The following MRPL20 variants were observed in gnomAD, a reference collection of about 807,000 sequenced individuals.
MRPL20 encodes large ribosomal subunit protein bL20m.
In MRPL20, 21 loss-of-function variants were observed where a neutral mutation model predicts 20.0. That is an observed-to-expected ratio of 1.05 (90% CI 0.74 to 1.51). The LOEUF (loss-of-function observed/expected upper bound fraction) is 1.51. MRPL20 is among the 40% of genes most tolerant of loss of function. The pLI is 0.00. For synonymous variants in MRPL20, 104 were observed against 73.0 expected (o/e 1.43, Z -2.17); for missense variants, 252 against 185.6 (o/e 1.36, Z -2.08).
intron 2 of MRPL20, 195 bp from the exon 3 acceptor site, chr1:1,406,081 C>T: frequency 1.5e-6 from 1 of 673,886 alleles, no homozygotes; most frequent in Non-Finnish European, 2.4e-6. Flanking sequence ...CCCAGCTGGG[C>T]ACGGTGTCTC....
chr1:1,405,332 G>T, intron 3 of MRPL20: 1 of 399,700 alleles, frequency 2.5e-6, no homozygotes, highest in East Asian at 4.8e-5. Context: ...AGAGTGCAGT[G>T]GTACCATCAT....
intron 3 of MRPL20, 42 bp downstream of exon 3, chr1:1,405,767 A>G (rs1645377630): frequency 6.2e-7 from 1 of 1,614,002 alleles, no homozygotes; most frequent in African/African-American, 1.3e-5. Flanking sequence ...TGGTTTCTGC[A>G]GATGTCCAGA....
intron 3 of MRPL20, 88 bp downstream of exon 3, chr1:1,405,721 C>A (rs1443484609): frequency 6.2e-7 from 1 of 1,610,252 alleles, no homozygotes; most frequent in East Asian, 2.2e-5. Flanking sequence ...TCCTGATTAG[C>A]TGGGACTACA....
chr1:1,404,298 T>TGC (rs1297672421), intron 3 of MRPL20, among the ~76,000 whole-genome samples: 6 of 151,192 alleles, frequency 4.0e-5, no homozygotes, highest in African/African-American at 2.4e-5. Context: ...GGACTACAGA[T>TGC]GCCCGCCACC....
intron 3 of MRPL20, among the ~76,000 whole-genome samples, chr1:1,403,546 A>C (rs909680123): frequency 4.6e-5 from 7 of 152,134 alleles, no homozygotes; most frequent in East Asian, 3.9e-4. Flanking sequence ...CCGGCCAAGT[A>C]TGTCTCCTTT....
intron 2 of MRPL20, 118 bp from the exon 3 acceptor site, chr1:1,406,004 A>C: frequency 1.4e-6 from 2 of 1,401,272 alleles, no homozygotes; most frequent in South Asian, 1.4e-5. Flanking sequence ...TCAGTGAGCT[A>C]TGATGGTGCC....
At chr1:1,404,855 A>C (rs1284821689) in intron 3 of MRPL20, among the ~76,000 whole-genome samples, 2 of 152,106 alleles carry the variant, frequency 1.3e-5, no homozygotes, top group African/African-American at 4.8e-5. Context: ...CTCTGCTGCC[A>C]ACCAGTGCGG....
In MRPL20 at chr1:1,405,873, C is replaced by A. The variant is rs145728085; in HGVS notation, c.212G>T (p.Arg71Leu). Residue 71 changes from arginine (R) to leucine (L), a missense_variant, in exon 3 of 4, where the codon CGA (arginine) becomes CTA (leucine). Coordinates refer to ENST00000344843, the MANE Select transcript of MRPL20 (RefSeq NM_017971.4). ...KKNMRTLWINRITAASQEHGL... is the reference protein window; with the variant it reads ...KKNMRTLWINLITAASQEHGL... ...ATGTTCCTGGCTAGCAGCTGTAATT[C>A]GATTAATCCAGAGCTGAAATAAGAA... The A allele has an allele frequency of 6.2e-7, 1 of 1,613,024 alleles. No individual in the cohort carries two copies. The highest frequency in any genetic ancestry group is 8.5e-7 in the Non-Finnish European group (1 of 1,179,160).
chr1:1,405,716 A>G, intron 3 of MRPL20, 93 bp downstream of exon 3: 1 of 1,605,156 alleles, frequency 6.2e-7, no homozygotes, highest in Non-Finnish European at 8.5e-7. Flanking sequence ...CAGCCTCCTG[A>G]TTAGCTGGGA....
At chr1:1,406,790 C>T (rs1016921799) in intron 2 of MRPL20, 119 bp downstream of exon 2, 7 of 851,222 alleles carry the variant, frequency 8.2e-6, no homozygotes, top group African/African-American at 5.1e-5. Flanking sequence ...AGTTTCGAAG[C>T]AAGGTATGAA....
rs765308764 is a variant in MRPL20, at chr1:1,405,762, T to G, written c.276+47A>C. On this transcript the variant is annotated intron_variant, in intron 3 of 3. Transcript: ENST00000344843. ...CACCACCACGCCCCGCATGATGGTT[T>G]CTGCAGATGTCCAGAATTTCAGTGG... The G allele has an allele frequency of 2.5e-6, 4 of 1,614,150 alleles. No individual in the cohort carries two copies. The South Asian group carries it at 4.4e-5, about 18-fold the overall frequency.
rs751003271 is a variant in MRPL20 at position 1,402,153 on chromosome 1, C to G, written c.380G>C (p.Gly127Ala). ...CCCATCCCCCAAGGCAGCAGCAAAT[C>G]CTTCGTGTCGCCTCCTACTGGCCAA... ...AALASRRRHE[G>A]FAAALGDGKE... is the part of the protein sequence containing the mutation. Residue 127 changes from glycine to alanine, a missense_variant, in exon 4 of 4, where the codon GGA (glycine) becomes GCA (alanine). Gly to Ala is a moderately conservative substitution (Grantham distance 60). Transcript: ENST00000344843. 58 of 1,614,028 alleles carry G rather than the reference C, an allele frequency of 3.6e-5. No individual in the cohort carries two copies. The highest frequency in any genetic ancestry group is 4.9e-5 in the Non-Finnish European group (58 of 1,180,032).
At position 1,407,169 on chromosome 1, in the gene MRPL20, G is replaced by C; in HGVS notation, c.49C>G (p.Arg17Gly). ...QLWLRNRVTDRYFRIQEVLKH... is the reference protein window; with the variant it reads ...QLWLRNRVTDGYFRIQEVLKH... ...AGCACCTCCTGGATCCGAAAGTAGC[G>C]GTCGGTGACGCGATTCCGCAGCCAG... The change falls in exon 1 of 4, where the codon CGC becomes GGC. Residue 17 changes from arginine to glycine, a missense_variant. By Grantham distance (125) the Arg-to-Gly change is moderately radical. Coordinates refer to ENST00000344843, the MANE Select transcript of MRPL20 (RefSeq NM_017971.4). 6.2e-7 allele frequency: 1 copy of C among 1,607,880 alleles called. No homozygotes were observed. Among genetic ancestry groups the C allele is most frequent in the Non-Finnish European group, 8.5e-7 (1 of 1,177,396 alleles).
rs759872665 is a variant in MRPL20, at chr1:1,407,224, T to G, written c.-7A>C. 2 of 1,592,098 alleles carry G rather than the reference T, an allele frequency of 1.3e-6. No homozygotes were observed. Among genetic ancestry groups the G allele is most frequent in the Non-Finnish European group, 1.7e-6 (2 of 1,169,622 alleles). ...GCGCGGTGAGGAAGACCATGGCGCCTGCAGGCCGGCGTCCCGAACACTCAA... is the reference window on the plus strand; with the variant it reads ...GCGCGGTGAGGAAGACCATGGCGCCGGCAGGCCGGCGTCCCGAACACTCAA... On this transcript the variant is annotated 5_prime_UTR_variant, in exon 1 of 4. Transcript: ENST00000344843.
intron 3 of MRPL20, chr1:1,405,008 G>C (rs1025191249): frequency 6.6e-6 from 1 of 152,268 alleles, no homozygotes; most frequent in East Asian, 2.0e-4. Context: ...TTTACTTTTA[G>C]AGATGGAGTC....
At position 1,406,758 on chromosome 1, in the gene MRPL20, G is replaced by A. The variant is rs547872883; in HGVS notation, c.198+151C>T. 3.4e-4 allele frequency: 240 copies of A among 708,376 alleles called. 2 individuals carry two copies. The South Asian group carries it at 3.4e-3, about 10-fold the overall frequency. The allele number at this position is 708,376 out of a possible 1,614,324, so 43.9% of individuals were successfully genotyped here. A position where few individuals can be genotyped will look rare whatever the true frequency, so the allele number is the denominator to read the frequency against. On this transcript the variant is annotated intron_variant, in intron 2 of 3. Transcript: ENST00000344843. ...AGAACGGATGTCCCACAGTTTGCCT[G>A]CGGGGCGACATAATTTGTCGGAGTT...
Position 1,407,060 on chromosome 1 carries a change from C to CCG in MRPL20, c.88-42_88-41insCG, listed in dbSNP as rs769721348. 21 of 1,609,832 alleles carry CCG rather than the reference C, an allele frequency of 1.3e-5. No homozygotes were observed. The East Asian group carries it at 1.3e-4, about 10-fold the overall frequency. ...AGAAACCAGGGTTGTCAGCGGGGCC[C>CCG]GCGCCGGCCGCCCCTTGGCCCGCGG... On this transcript the variant is annotated intron_variant, in intron 1 of 3. Coordinates refer to ENST00000344843, the MANE Select transcript of MRPL20 (RefSeq NM_017971.4).
Position 1,405,840 on chromosome 1 carries a change from T to C in MRPL20, c.245A>G (p.Lys82Arg). The change falls in exon 3 of 4, where the codon AAG becomes AGG. Residue 82 changes from lysine (K) to arginine (R), a missense_variant. Transcript: ENST00000344843. ...TAAATTCCCAATGAGCGCTGGATAC[T>C]TCAGTCCATGTTCCTGGCTAGCAGC... ...ITAASQEHGLKYPALIGNLVK... is the reference protein window; with the variant it reads ...ITAASQEHGLRYPALIGNLVK... The C allele has an allele frequency of 6.2e-7, 1 of 1,614,124 alleles. No individual in the cohort carries two copies. Among genetic ancestry groups the C allele is most frequent in the Non-Finnish European group, 8.5e-7 (1 of 1,179,980 alleles).
rs574928231 is a variant in MRPL20, at chr1:1,406,891, TC to T, written c.198+17del. The T allele has an allele frequency of 1.2e-3, 1,988 of 1,603,290 alleles. 29 individuals carry two copies. In the African/African-American group the frequency reaches 0.024, roughly 19 times the overall value. The stretch of plus-strand genomic sequence containing the variant: ...CCGCGAGTGCGCTGGCCGGCGGGTG[TC>T]CCGGGTCCACGCTTACGGTCCTCAT... On this transcript the variant is annotated intron_variant, in intron 2 of 3. Coordinates refer to ENST00000344843, the MANE Select transcript of MRPL20 (RefSeq NM_017971.4).
Sources: allele counts gnomAD v4.1 joint callset (sites outside exome capture counted in the v4.1 genomes callset), GRCh38; gene constraint gnomAD v4.1.1; transcripts MANE v1.5; gene names NCBI Gene and HGNC (gene_info 2026-07-23, HGNC 2026-07-21).